Variants in VWA8 observed in about 807,000 individuals in gnomAD.
VWA8 encodes von Willebrand factor A domain containing 8.
VWA8 carries 221 observed loss-of-function variants against 241.5 expected under a neutral mutation model. That is an observed-to-expected ratio of 0.91 (90% CI 0.82 to 1.02). The LOEUF is 1.02. Ranked by LOEUF, VWA8 falls within the 50% of genes least tolerant of loss-of-function variation. The pLI is 0.00. For synonymous variants in VWA8, 852 were observed against 827.1 expected, an observed-to-expected ratio of 1.03 and a Z score of -0.52; for missense variants, 2,322 against 2,328.7, an observed-to-expected ratio of 1.00 and a Z score of 0.06.
intron 1 of VWA8, among the ~76,000 whole-genome samples, chr13:41,957,620 A>G (rs767831604): frequency 5.1e-4 from 77 of 152,110 alleles, no homozygotes; most frequent in Non-Finnish European, 9.1e-4. Context: ...ATAAATAAAT[A>G]AATAATTATA....
chr13:41,938,560 A>G lies in VWA8; in HGVS notation c.241+11376T>C, dbSNP rs1165619140. 8.6e-5 allele frequency among the ~76,000 whole-genome samples: 13 copies of G among 152,038 alleles called. 1 individual carries two copies. The highest frequency in any genetic ancestry group is 8.5e-4 in the Admixed American group (13 of 15,264). On this transcript the variant is annotated intron_variant, in intron 2 of 44. Transcript: ENST00000379310. ...CAGCTACTCAGGAGGCTGAGGCAGG[A>G]GGATCGCTTGAACCCAGGAAGCAGA...
intron 43 of VWA8, 46 bp from the exon 44 acceptor site, chr13:41,570,752 T>C: frequency 1.3e-6 from 2 of 1,539,448 alleles, no homozygotes; most frequent in Non-Finnish European, 1.8e-6. Flanking sequence ...GAGAAACTTC[T>C]TTTTTAACAA....
intron 24 of VWA8, among the ~76,000 whole-genome samples, chr13:41,726,126 GA>G (rs1348467728): frequency 2.0e-5 from 3 of 151,682 alleles, no homozygotes; most frequent in African/African-American, 4.8e-5. Flanking sequence ...TTTGAGTATT[GA>G]TTTTTTTTTT....
intron 2 of VWA8, among the ~76,000 whole-genome samples, chr13:41,930,194 T>C (rs935490197): frequency 6.6e-6 from 1 of 152,172 alleles, no homozygotes; most frequent in South Asian, 2.1e-4. Context: ...ACCTCACATG[T>C]GTTAGCACGG....
In VWA8 at chr13:41,648,731, T is replaced by A. The variant is rs145798901; in HGVS notation, c.4611+22215A>T. Reference sequence around the variant, plus strand: ...CATACAATTATAATTACCTTCATAATAGCAACAATAACACATAGAAGCACG... The same window carrying A: ...CATACAATTATAATTACCTTCATAAAAGCAACAATAACACATAGAAGCACG... On this transcript the variant is annotated intron_variant, in intron 37 of 44. Coordinates refer to ENST00000379310, the MANE Select transcript of VWA8 (RefSeq NM_015058.2). 1.1e-3 allele frequency among the ~76,000 whole-genome samples: 164 copies of A among 152,060 alleles called. 1 individual carries two copies. The highest frequency in any genetic ancestry group is 3.6e-3 in the African/African-American group (151 of 41,386).
chr13:41,885,111 G>A (rs1268427491), intron 8 of VWA8, among the ~76,000 whole-genome samples: 1 of 152,022 alleles, frequency 6.6e-6, no homozygotes, highest in Non-Finnish European at 1.5e-5. Context: ...ACTTAATATT[G>A]TCTGATAAGC....
At chr13:41,719,845 A>G in intron 25 of VWA8, 103 bp from the exon 26 acceptor site, 1 of 1,117,904 alleles carries the variant, frequency 8.9e-7, no homozygotes, top group Non-Finnish European at 1.2e-6. Context: ...GAACTACAGC[A>G]GAAATTTACT....
intron 21 of VWA8, among the ~76,000 whole-genome samples, chr13:41,746,929 T>A (rs1206526487): frequency 6.6e-6 from 1 of 152,216 alleles, no homozygotes; most frequent in East Asian, 1.9e-4. Flanking sequence ...ACATACTTAC[T>A]GCAGTACTAC....
rs61964887 is a variant in VWA8 at position 41,675,395 on chromosome 13, C to T, written c.4328-99G>A. 618 of 781,056 alleles carry T rather than the reference C, an allele frequency of 7.9e-4. 6 individuals are homozygous for T. In the African/African-American group the frequency reaches 9.1e-3, roughly 12 times the overall value. 48.4% of individuals were successfully genotyped at this position (781,056 alleles called of 1,614,324 possible). A position where few individuals can be genotyped will look rare whatever the true frequency, so the allele number is the denominator to read the frequency against. ...AAGTTATCTGTAGCCTAGGGTAGAA[C>T]GCTGGGATCTACTTGACAAGGTACT... On this transcript the variant is annotated intron_variant, in intron 35 of 44. Coordinates refer to ENST00000379310, the MANE Select transcript of VWA8 (RefSeq NM_015058.2).
chr13:41,787,587 A>T, intron 17 of VWA8, 44 bp from the exon 18 acceptor site: 1 of 1,224,872 alleles, frequency 8.2e-7, no homozygotes, highest in Non-Finnish European at 1.2e-6. Flanking sequence ...CTTAAGTCAA[A>T]GCTTTCTGCG....
intron 10 of VWA8, among the ~76,000 whole-genome samples, chr13:41,866,276 G>A (rs975278913): frequency 6.6e-6 from 1 of 151,916 alleles, no homozygotes. Flanking sequence ...TTGAACCCAG[G>A]AGGCGGAGGT....
intron 24 of VWA8, among the ~76,000 whole-genome samples, chr13:41,726,927 G>A (rs534909873): frequency 3.9e-5 from 6 of 152,120 alleles, no homozygotes; most frequent in South Asian, 2.1e-4. Context: ...CCCGGGTGGC[G>A]GAAGTTGTAG....
chr13:41,612,781 T>C (rs1409116835), intron 38 of VWA8, among the ~76,000 whole-genome samples: 1 of 152,178 alleles, frequency 6.6e-6, no homozygotes, highest in Non-Finnish European at 1.5e-5. Flanking sequence ...TTGTAGAGTA[T>C]ATTATGATAT....
At chr13:41,740,496 G>A (rs2045561929) in intron 21 of VWA8, among the ~76,000 whole-genome samples, 1 of 152,182 alleles carries the variant, frequency 6.6e-6, no homozygotes, top group Non-Finnish European at 1.5e-5. Flanking sequence ...AGCAAGTTCA[G>A]CATCCGCATG....
rs544107110 is a variant in VWA8 at position 41,845,706 on chromosome 13, G to A, written c.1426-12175C>T. Among the ~76,000 whole-genome samples, 60 of 152,118 alleles carry A rather than the reference G, an allele frequency of 3.9e-4. 1 individual carries two copies. Among genetic ancestry groups the A allele is most frequent in the Non-Finnish European group, 4.6e-4 (31 of 68,010 alleles). On this transcript the variant is annotated intron_variant, in intron 12 of 44. Transcript: ENST00000379310. ...TGGAAGACATTATAAGCAAACTAAC[G>A]TAGAAACAGAAAACCAGATACCACT... is the stretch of plus-strand genomic sequence containing the variant.
intron 43 of VWA8, among the ~76,000 whole-genome samples, chr13:41,572,917 G>C (rs1370005105): frequency 1.4e-5 from 2 of 146,814 alleles, no homozygotes; most frequent in African/African-American, 5.2e-5. Flanking sequence ...AGACCGGCCT[G>C]GCCGGCATGG....
chr13:41,671,074 C>T lies in VWA8; in HGVS notation c.4483G>A (p.Asp1495Asn), dbSNP rs777308406. The T allele has an allele frequency of 6.2e-7, 1 of 1,613,974 alleles. No homozygotes were observed. Among genetic ancestry groups the T allele is most frequent in the Admixed American group, 1.7e-5 (1 of 60,010 alleles). Residue 1495 changes from aspartate to asparagine, a missense_variant, in exon 37 of 45, where the codon GAC becomes AAC. Transcript: ENST00000379310. Reference protein sequence around the residue: ...SDTDALLAEWDKSGVVTVDMG... With the variant: ...SDTDALLAEWNKSGVVTVDMG... ...TCAACAGTAACAACACCGCTTTTGTCCCACTCAGCCAGCAGTGCATCTGTG... is the reference window on the plus strand; with the variant it reads ...TCAACAGTAACAACACCGCTTTTGTTCCACTCAGCCAGCAGTGCATCTGTG...
intron 37 of VWA8, among the ~76,000 whole-genome samples, chr13:41,637,273 T>G (rs2044764667): frequency 6.6e-6 from 1 of 151,294 alleles, no homozygotes; most frequent in African/African-American, 2.4e-5. Flanking sequence ...GGGACATGGA[T>G]GAAGCTGGAA....
intron 10 of VWA8, among the ~76,000 whole-genome samples, chr13:41,866,574 A>C (rs1406036865): frequency 6.6e-6 from 1 of 152,096 alleles, no homozygotes; most frequent in Non-Finnish European, 1.5e-5. Flanking sequence ...AATAGATCTG[A>C]TGATCATTAT....
Sources: gnomAD v4.1 joint callset for allele counts (sites outside exome capture counted in the v4.1 genomes callset) on GRCh38, gnomAD v4.1.1 for gene constraint, MANE v1.5 for transcripts, NCBI Gene and HGNC (gene_info 2026-07-23, HGNC 2026-07-21) for gene names.